GNG12: variants seen among roughly 807,000 people sequenced by gnomAD.
GNG12 encodes the protein guanine nucleotide-binding protein G(I)/G(S)/G(O) subunit gamma-12.
For synonymous variants in GNG12, 28 were observed against 29.7 expected, an observed-to-expected ratio of 0.94 and a Z score of 0.19; for missense variants, 69 against 83.8, an observed-to-expected ratio of 0.82 and a Z score of 0.69.
intron 1 of GNG12, among the ~76,000 whole-genome samples, chr1:67,799,202 A>T (rs1341020708): frequency 6.6e-6 from 1 of 152,204 alleles, no homozygotes; most frequent in East Asian, 1.9e-4. Flanking sequence ...GGTTGTAACC[A>T]CTAAACTCTG....
At chr1:67,788,487 C>T (rs997341605) in intron 1 of GNG12, among the ~76,000 whole-genome samples, 5 of 151,992 alleles carry the variant, frequency 3.3e-5, no homozygotes, top group African/African-American at 1.2e-4. Context: ...GGGCACTTCA[C>T]CACACCCAGC....
chr1:67,785,844 A>G (rs552140570), intron 1 of GNG12, among the ~76,000 whole-genome samples: 1 of 152,210 alleles, frequency 6.6e-6, no homozygotes, highest in African/African-American at 2.4e-5. Flanking sequence ...AACCATGTAC[A>G]AATCTGTATA....
At chr1:67,752,115 A>T (rs1021866523) in intron 2 of GNG12, among the ~76,000 whole-genome samples, 6 of 152,242 alleles carry the variant, frequency 3.9e-5, no homozygotes, top group Non-Finnish European at 7.3e-5. Flanking sequence ...TTTAATGAGA[A>T]GTTCTGATAA....
intron 2 of GNG12, among the ~76,000 whole-genome samples, chr1:67,734,143 G>A (rs1217334615): frequency 6.6e-6 from 1 of 151,938 alleles, no homozygotes; most frequent in African/African-American, 2.4e-5. Context: ...CCCAGCGGGA[G>A]TGTGTGTTAT....
intron 2 of GNG12, among the ~76,000 whole-genome samples, chr1:67,774,890 C>T (rs1479688441): frequency 2.0e-5 from 3 of 152,144 alleles, no homozygotes; most frequent in Admixed American, 6.5e-5. Context: ...GAATATACTA[C>T]AAAAGTAGTA....
chr1:67,746,376 G>A (rs940079813), intron 2 of GNG12, among the ~76,000 whole-genome samples: 3 of 152,068 alleles, frequency 2.0e-5, no homozygotes, highest in East Asian at 3.8e-4. Flanking sequence ...CCTCTAGCTC[G>A]ATGAGCACTT....
rs1026499451 is a variant in GNG12 at position 67,707,582 on chromosome 1, G to A, written c.93+12C>T. 6 of 1,382,184 alleles carry A rather than the reference G, an allele frequency of 4.3e-6. No individual in the cohort carries two copies. Among genetic ancestry groups the A allele is most frequent in the East Asian group, 2.3e-5 (1 of 43,296 alleles). 85.6% of individuals were successfully genotyped at this position (1,382,184 alleles called of 1,614,324 possible). On this transcript the variant is annotated intron_variant, in intron 3 of 3. Coordinates refer to ENST00000370982, the MANE Select transcript of GNG12 (RefSeq NM_018841.6). Reference sequence around the variant, plus strand: ...AGCAGAAAGCATATGTTATCCAGTCGGGGCTTCTTACCTTTATTCTTTCAA... The same window carrying A: ...AGCAGAAAGCATATGTTATCCAGTCAGGGCTTCTTACCTTTATTCTTTCAA...
intron 1 of GNG12, among the ~76,000 whole-genome samples, chr1:67,816,655 G>A (rs944645298): frequency 2.6e-5 from 4 of 152,204 alleles, no homozygotes; most frequent in African/African-American, 9.7e-5. Context: ...GTGAGCCAGA[G>A]GGGTGGGGAA....
chr1:67,773,440 G>A (rs1179755094), intron 2 of GNG12, among the ~76,000 whole-genome samples: 1 of 152,114 alleles, frequency 6.6e-6, no homozygotes, highest in African/African-American at 2.4e-5. Context: ...AGAAGAGGAG[G>A]GACCCAGAAA....
chr1:67,745,537 A>T (rs1646503124), intron 2 of GNG12, among the ~76,000 whole-genome samples: 1 of 152,176 alleles, frequency 6.6e-6, no homozygotes, highest in South Asian at 2.1e-4. Flanking sequence ...ATAACTTTGG[A>T]CAAAACTGCT....
intron 1 of GNG12, among the ~76,000 whole-genome samples, chr1:67,812,804 A>G (rs1314779003): frequency 6.6e-6 from 1 of 152,224 alleles, no homozygotes; most frequent in Non-Finnish European, 1.5e-5. Context: ...TCATATGCTC[A>G]AGAGGCACAA....
intron 2 of GNG12, among the ~76,000 whole-genome samples, chr1:67,747,637 A>AT (rs1280228844): frequency 6.6e-6 from 1 of 152,274 alleles, no homozygotes; most frequent in African/African-American, 2.4e-5. Context: ...AAGTAGTGTT[A>AT]TAAGAAGCAA....
At chr1:67,736,458 A>T (rs529387542) in intron 2 of GNG12, among the ~76,000 whole-genome samples, 1 of 152,128 alleles carries the variant, frequency 6.6e-6, no homozygotes, top group African/African-American at 2.4e-5. Context: ...GGCAGCTCTA[A>T]ACACTAGACT....
chr1:67,766,451 C>T (rs570635550), intron 2 of GNG12, among the ~76,000 whole-genome samples: 3 of 152,194 alleles, frequency 2.0e-5, no homozygotes, highest in Non-Finnish European at 2.9e-5. Context: ...CCCAGCCCTT[C>T]GGCACAGTAA....
intron 1 of GNG12, among the ~76,000 whole-genome samples, chr1:67,793,625 C>T (rs1203116356): frequency 6.6e-6 from 1 of 152,048 alleles, no homozygotes; most frequent in Non-Finnish European, 1.5e-5. Flanking sequence ...AGTCTGCATC[C>T]CTCTCGGGCT....
At chr1:67,808,126 C>T (rs1646903667) in intron 1 of GNG12, among the ~76,000 whole-genome samples, 1 of 152,090 alleles carries the variant, frequency 6.6e-6, no homozygotes, top group East Asian at 1.9e-4. Flanking sequence ...GGATTTACCT[C>T]AGGGTAAGTA....
intron 1 of GNG12, among the ~76,000 whole-genome samples, chr1:67,800,297 G>C (rs1490104023): frequency 6.6e-6 from 1 of 152,168 alleles, no homozygotes; most frequent in Non-Finnish European, 1.5e-5. Flanking sequence ...TCGAAATATG[G>C]GGAAGTGGTC....
At chr1:67,823,947 A>C (rs1043549564) in intron 1 of GNG12, among the ~76,000 whole-genome samples, 5 of 152,238 alleles carry the variant, frequency 3.3e-5, no homozygotes, top group Non-Finnish European at 1.5e-5. Flanking sequence ...CATGATGGAA[A>C]ACTTGTTATT....
chr1:67,814,780 G>A lies in GNG12; in HGVS notation c.-77+18564C>T, dbSNP rs2100813468. Among the ~76,000 whole-genome samples the A allele has an allele frequency of 1.3e-5, 2 of 152,284 alleles. 1 individual carries two copies. The highest frequency in any genetic ancestry group is 4.1e-4 in the South Asian group (2 of 4,820). On this transcript the variant is annotated intron_variant, in intron 1 of 3. Transcript: ENST00000370982. The stretch of plus-strand genomic sequence containing the variant: ...GAGTTATGTGTTTCTTTAGTCCTAG[G>A]GGTAGTGTACTCAAACAGGCACAGG...
Sources: gnomAD v4.1 joint callset for allele counts (sites outside exome capture counted in the v4.1 genomes callset) on GRCh38, gnomAD v4.1.1 for gene constraint, MANE v1.5 for transcripts, NCBI Gene and HGNC (gene_info 2026-07-23, HGNC 2026-07-21) for gene names.